Variants in B3GNT4 observed in about 807,000 individuals in gnomAD.
The protein encoded by B3GNT4 is N-acetyllactosaminide beta-1,3-N-acetylglucosaminyltransferase 4.
A neutral mutation model predicts 2.7 loss-of-function variants in B3GNT4; 2 were observed. The ratio of observed to expected loss-of-function variants is 0.73; its 90% confidence interval spans 0.30 to 2.31. The LOEUF is 2.31. Among genes scored for constraint, B3GNT4 ranks in the 30% most tolerant of loss-of-function variants. B3GNT4 has a pLI of 0.12. For missense variants in B3GNT4, 708 were observed against 490.9 expected, an observed-to-expected ratio of 1.44 and a Z score of -4.18; for synonymous variants, 280 against 203.4, an observed-to-expected ratio of 1.38 and a Z score of -3.20.
At chr12:122,204,727 A>T (rs1013180861) in intron 2 of B3GNT4, 43 bp downstream of exon 2, 4 of 1,503,038 alleles carry the variant, frequency 2.7e-6, no homozygotes, top group Non-Finnish European at 3.7e-6. Context: ...CTTGTCCCCC[A>T]CCCCCGCATA....
At chr12:122,206,181 A>C (rs1953911577) in intron 2 of B3GNT4, 137 bp from the exon 3 acceptor site, 1 of 672,284 alleles carries the variant, frequency 1.5e-6, no homozygotes, top group Non-Finnish European at 2.4e-6. Context: ...CTCTGGAAAG[A>C]GCCTGAGGAT....
intron 2 of B3GNT4, chr12:122,204,937 G>A: frequency 2.0e-6 from 1 of 504,110 alleles, no homozygotes; most frequent in Non-Finnish European, 3.5e-6. Flanking sequence ...GGCCGAGGCC[G>A]GAGGATCGCT....
rs1379629516 is a variant in B3GNT4 at position 122,204,663 on chromosome 12, T to TA, written c.46dup (p.Arg16LysfsTer69). 4 of 1,611,462 alleles carry TA rather than the reference T, an allele frequency of 2.5e-6. No individual in the cohort carries two copies. Among genetic ancestry groups the TA allele is most frequent in the Non-Finnish European group, 3.4e-6 (4 of 1,177,866 alleles). On this transcript the variant is annotated frameshift_variant, in exon 2 of 3. Transcript: ENST00000324189. LOFTEE classifies it low-confidence loss of function (END_TRUNC). ...CCGCAGCCCACCAGGGAAGGGGCGG[T>TA]AGGAGTGGCCTTTTACCAAAGGTCA...
intron 2 of B3GNT4, 79 bp from the exon 3 acceptor site, chr12:122,206,239 G>A: frequency 8.6e-7 from 1 of 1,168,412 alleles, no homozygotes; most frequent in South Asian, 1.5e-5. Flanking sequence ...TAGCGGCTGG[G>A]GTGCAGGTTA....
chr12:122,208,459 T>C lies in B3GNT4; in HGVS notation c.*1071T>C, dbSNP rs367908394. The C allele has an allele frequency of 3.1e-6, 5 of 1,614,150 alleles. No homozygotes were observed. Among genetic ancestry groups the C allele is most frequent in the Non-Finnish European group, 2.5e-6 (3 of 1,180,036 alleles). ...CCTCCTGTGTTTTCTGACGGAGCTC[T>C]TCTATCTGTGCTTCTGCCAGCTTGG... On this transcript the variant is annotated 3_prime_UTR_variant, in exon 3 of 3. Transcript: ENST00000324189.
In B3GNT4 at chr12:122,206,722, C is replaced by T. The variant is rs1312874666; in HGVS notation, c.471C>T (p.Phe157=). 2 of 1,608,858 alleles carry T rather than the reference C, an allele frequency of 1.2e-6. No homozygotes were observed. Among genetic ancestry groups the T allele is most frequent in the Non-Finnish European group, 1.7e-6 (2 of 1,177,260 alleles). ...WARGRQLKLV[F]LLGVAGSAPP... is the part of the protein sequence containing the mutation. ...GGGGCCGGCAGCTGAAGCTGGTGTT[C>T]CTCCTAGGGGTGGCAGGATCCGCTC... The change falls in exon 3 of 3, where the codon TTC becomes TTT. Residue 157 remains phenylalanine (F), a synonymous_variant. Coordinates refer to ENST00000324189, the MANE Select transcript of B3GNT4 (RefSeq NM_030765.4).
In B3GNT4 at chr12:122,204,583, C is replaced by A; in HGVS notation, c.-36C>A. ...CGACCCCGCCGCCGCCGCCGCCCGG[C>A]ATCCTGAGCACGGAGACAGTCTCCA... On this transcript the variant is annotated 5_prime_UTR_variant, in exon 2 of 3. Coordinates refer to ENST00000324189, the MANE Select transcript of B3GNT4 (RefSeq NM_030765.4). 1 of 1,576,870 alleles carries A rather than the reference C, an allele frequency of 6.3e-7. No individual in the cohort carries two copies. The highest frequency in any genetic ancestry group is 8.7e-7 in the Non-Finnish European group (1 of 1,148,998).
In B3GNT4 at chr12:122,206,299, G is replaced by A. The variant is rs1953913766; in HGVS notation, c.67-19G>A. Reference sequence around the variant, plus strand: ...GGGACCCGGGGCTGGGCCCTGCTCAGGTGGCTCTCTCCTTGCAGGGACCGG... The same window carrying A: ...GGGACCCGGGGCTGGGCCCTGCTCAAGTGGCTCTCTCCTTGCAGGGACCGG... On this transcript the variant is annotated intron_variant, in intron 2 of 2. Coordinates refer to ENST00000324189, the MANE Select transcript of B3GNT4 (RefSeq NM_030765.4). 13 of 1,531,832 alleles carry A rather than the reference G, an allele frequency of 8.5e-6. No individual in the cohort carries two copies. The East Asian group carries it at 2.3e-4, about 27-fold the overall frequency. 94.9% of individuals were successfully genotyped at this position (1,531,832 alleles called of 1,614,324 possible).
chr12:122,205,668 C>G (rs1202597855), intron 2 of B3GNT4: 1 of 152,408 alleles, frequency 6.6e-6, no homozygotes, highest in African/African-American at 2.4e-5. Context: ...GGCGGGGTGC[C>G]TCGGAAGCCA....
chr12:122,208,380 C>A lies in B3GNT4; in HGVS notation c.*992C>A. The A allele has an allele frequency of 6.2e-7, 1 of 1,611,990 alleles. No individual in the cohort carries two copies. Among genetic ancestry groups the A allele is most frequent in the South Asian group, 1.1e-5 (1 of 91,004 alleles). ...GGAGACAGGGCAGTGTGCTCAGGCC[C>A]TCAATCCTCACGCAGGTAGGCCTCC... On this transcript the variant is annotated 3_prime_UTR_variant, in exon 3 of 3. Transcript: ENST00000324189.
At position 122,206,425 on chromosome 12, in the gene B3GNT4, C is replaced by A; in HGVS notation, c.174C>A (p.Asp58Glu). The change falls in exon 3 of 3, where the codon GAC (aspartate) becomes GAA (glutamate). Residue 58 changes from aspartate (D) to glutamate (E), a missense_variant. Physicochemically the swap from Asp to Glu is conservative, Grantham distance 45 (BLOSUM62 2). Coordinates refer to ENST00000324189, the MANE Select transcript of B3GNT4 (RefSeq NM_030765.4). Reference protein sequence around the residue: ...FLRKAAKPAGDPTAHQPFWAP... With the variant: ...FLRKAAKPAGEPTAHQPFWAP... ...GGAAGGCGGCCAAGCCCGCAGGAGA[C>A]CCCACGGCCCACCAGCCTTTCTGGG... The A allele has an allele frequency of 6.2e-7, 1 of 1,613,954 alleles. No individual in the cohort carries two copies. Among genetic ancestry groups the A allele is most frequent in the Non-Finnish European group, 8.5e-7 (1 of 1,179,982 alleles).
chr12:122,204,450 G>A (rs1953888024), intron 1 of B3GNT4, 72 bp from the exon 2 acceptor site: 3 of 671,788 alleles, frequency 4.5e-6, no homozygotes, highest in Non-Finnish European at 8.0e-6. Flanking sequence ...CTCCTGGGAC[G>A]GAACCAAGCC....
At chr12:122,206,076 T>C in intron 2 of B3GNT4, 1 of 448,918 alleles carries the variant, frequency 2.2e-6, no homozygotes, top group African/African-American at 2.0e-5. Flanking sequence ...CAAGTCCTTT[T>C]GGGAAAAACA....
rs1409384874 is a variant in B3GNT4, at chr12:122,208,479, G to C, written c.*1091G>C. ...AGCTCTTCTATCTGTGCTTCTGCCA[G>C]CTTGGTTTCTGCTTTCCGGGAGAGC... On this transcript the variant is annotated 3_prime_UTR_variant, in exon 3 of 3. Coordinates refer to ENST00000324189, the MANE Select transcript of B3GNT4 (RefSeq NM_030765.4). 1.2e-6 allele frequency: 2 copies of C among 1,614,164 alleles called. No individual in the cohort carries two copies. The highest frequency in any genetic ancestry group is 3.3e-4 in the Middle Eastern group (2 of 6,062).
chr12:122,206,853 A>T lies in B3GNT4; in HGVS notation c.602A>T (p.Gln201Leu), dbSNP rs779112409. 1.2e-5 allele frequency: 20 copies of T among 1,613,812 alleles called. No homozygotes were observed. In the South Asian group the frequency reaches 2.0e-4, roughly 16 times the overall value. Residue 201 changes from glutamine (Q) to leucine (L), a missense_variant, in exon 3 of 3, where the codon CAG becomes CTG. Transcript: ENST00000324189. ...CTGACGCTCAAGGAGCTGCACCTGC[A>T]GCGCTGGGTGGTGGCTGCCTGCCCC... is the stretch of plus-strand genomic sequence containing the variant. ...FNLTLKELHL[Q>L]RWVVAACPQA...
At position 122,206,596 on chromosome 12, in the gene B3GNT4, C is replaced by T. The variant is rs777022077; in HGVS notation, c.345C>T (p.Ser115=). The T allele has an allele frequency of 8.7e-6, 14 of 1,614,172 alleles. 2 individuals are homozygous for T. The Middle Eastern group carries it at 1.8e-3, about 209-fold the overall frequency. Residue 115 remains serine, a synonymous_variant, in exon 3 of 3, where the codon TCC becomes TCT. Coordinates refer to ENST00000324189, the MANE Select transcript of B3GNT4 (RefSeq NM_030765.4). ...FSILLEPSGC[S]KDTFLLLAIK... ...TCTTGCTGGAGCCTTCAGGCTGTTC[C>T]AAGGATACCTTCTTGCTCCTGGCCA...
Position 122,208,411 on chromosome 12 carries a change from C to T in B3GNT4, c.*1023C>T, listed in dbSNP as rs35426428. On this transcript the variant is annotated 3_prime_UTR_variant, in exon 3 of 3. Coordinates refer to ENST00000324189, the MANE Select transcript of B3GNT4 (RefSeq NM_030765.4). The stretch of plus-strand genomic sequence containing the variant: ...CCTCACGCAGGTAGGCCTCCTGCTC[C>T]GACTCAGCCCGCTCCTCCCCTTCCT... The T allele has an allele frequency of 0.018, 28,583 of 1,613,036 alleles. 3,788 individuals carry two copies. In the African/African-American group the frequency reaches 0.32, roughly 18 times the overall value.
chr12:122,206,959 C>G lies in B3GNT4; in HGVS notation c.708C>G (p.Asp236Glu). 1 of 1,613,038 alleles carries G rather than the reference C, an allele frequency of 6.2e-7. No individual in the cohort carries two copies. The highest frequency in any genetic ancestry group is 8.5e-7 in the Non-Finnish European group (1 of 1,179,038). The change falls in exon 3 of 3, where the codon GAC (aspartate) becomes GAG (glutamate). Residue 236 changes from aspartate (D) to glutamate (E), a missense_variant. Coordinates refer to ENST00000324189, the MANE Select transcript of B3GNT4 (RefSeq NM_030765.4). ...TGTTAGAGTTCCTGGATGGCTGGGACCCAGCCCAGGACCTCCTGGTGGGAG... is the reference window on the plus strand; with the variant it reads ...TGTTAGAGTTCCTGGATGGCTGGGAGCCAGCCCAGGACCTCCTGGTGGGAG... ...PNVLEFLDGW[D>E]PAQDLLVGDV...
At position 122,206,594 on chromosome 12, in the gene B3GNT4, T is replaced by C. The variant is rs1953921150; in HGVS notation, c.343T>C (p.Ser115Pro). ...TATCTTGCTGGAGCCTTCAGGCTGT[T>C]CCAAGGATACCTTCTTGCTCCTGGC... ...FSILLEPSGC[S>P]KDTFLLLAIK... The change falls in exon 3 of 3, where the codon TCC (serine) becomes CCC (proline). Residue 115 changes from serine to proline, a missense_variant. Ser to Pro is a moderately conservative substitution (Grantham distance 74). Transcript: ENST00000324189. The C allele has an allele frequency of 6.2e-7, 1 of 1,614,074 alleles. No homozygotes were observed. The highest frequency in any genetic ancestry group is 1.1e-5 in the South Asian group (1 of 91,090).
Sources: allele counts gnomAD v4.1 joint callset, GRCh38; gene constraint gnomAD v4.1.1; transcripts MANE v1.5; gene names NCBI Gene and HGNC (gene_info 2026-07-23, HGNC 2026-07-21).